Variants in ZBTB8A observed in about 807,000 individuals in gnomAD.
ZBTB8A encodes the protein zinc finger and BTB domain-containing protein 8A.
ZBTB8A carries 19 observed loss-of-function variants against 37.8 expected under a neutral mutation model. The observed-to-expected ratio is 0.50, with a 90% CI of 0.35 to 0.74. The LOEUF is 0.74. Among genes scored for constraint, ZBTB8A ranks in the 30% least tolerant of loss-of-function variants. ZBTB8A has a pLI of 0.01. For synonymous variants in ZBTB8A, 181 were observed against 185.2 expected, an observed-to-expected ratio of 0.98 and a Z score of 0.19; for missense variants, 394 against 537.8, an observed-to-expected ratio of 0.73 and a Z score of 2.65.
intron 2 of ZBTB8A, among the ~76,000 whole-genome samples, chr1:32,576,444 C>A (rs1223421920): frequency 1.3e-5 from 2 of 150,632 alleles, no homozygotes; most frequent in East Asian, 3.9e-4. Context: ...ATTTTTTTTT[C>A]TTTGAGACAG....
intron 2 of ZBTB8A, among the ~76,000 whole-genome samples, chr1:32,586,276 G>A (rs911164513): frequency 6.6e-6 from 1 of 152,088 alleles, no homozygotes; most frequent in African/African-American, 2.4e-5. Flanking sequence ...CCGAGATCTC[G>A]CCATTGCATT....
At chr1:32,560,660 C>T (rs1644237829) in intron 2 of ZBTB8A, among the ~76,000 whole-genome samples, 1 of 139,022 alleles carries the variant, frequency 7.2e-6, no homozygotes, top group African/African-American at 2.7e-5. Flanking sequence ...CTCACTCTCA[C>T]CCAGGCTGGA....
At chr1:32,589,368 A>G (rs1644471584) in intron 2 of ZBTB8A, among the ~76,000 whole-genome samples, 1 of 151,584 alleles carries the variant, frequency 6.6e-6, no homozygotes, top group African/African-American at 2.4e-5. Flanking sequence ...CTCCTGCCTC[A>G]GCCTCCTGAG....
intron 1 of ZBTB8A, among the ~76,000 whole-genome samples, chr1:32,543,170 G>A (rs564867483): frequency 2.6e-5 from 4 of 151,876 alleles, no homozygotes; most frequent in Non-Finnish European, 4.4e-5. Context: ...TGCAACCTCC[G>A]CCTCCCAGGG....
At chr1:32,592,080 A>T (rs995381724) in intron 2 of ZBTB8A, among the ~76,000 whole-genome samples, 2 of 151,584 alleles carry the variant, frequency 1.3e-5, no homozygotes, top group Non-Finnish European at 1.5e-5. Context: ...TGACCTTGTG[A>T]TCTGCCCGCC....
intron 2 of ZBTB8A, 101 bp from the exon 3 acceptor site, chr1:32,592,830 C>A: frequency 4.2e-6 from 4 of 962,544 alleles, no homozygotes; most frequent in East Asian, 2.6e-5. Context: ...GATCACACCA[C>A]TGCACTGCAG....
chr1:32,579,363 A>G (rs1644386235), intron 2 of ZBTB8A, among the ~76,000 whole-genome samples: 1 of 151,892 alleles, frequency 6.6e-6, no homozygotes, highest in Non-Finnish European at 1.5e-5. Flanking sequence ...AAGCAGGAGA[A>G]TCACTTCAAC....
chr1:32,575,564 T>G (rs1175219799), intron 2 of ZBTB8A, among the ~76,000 whole-genome samples: 1 of 151,906 alleles, frequency 6.6e-6, no homozygotes, highest in Non-Finnish European at 1.5e-5. Flanking sequence ...CTGCCTCAGT[T>G]AAAGAATATT....
At chr1:32,594,133 G>T (rs1644511118) in intron 3 of ZBTB8A, among the ~76,000 whole-genome samples, 1 of 151,516 alleles carries the variant, frequency 6.6e-6, no homozygotes, top group South Asian at 2.1e-4. Context: ...GGCGGAGGTT[G>T]CAGGGAGCTG....
At chr1:32,544,957 A>G (rs1644090910) in intron 1 of ZBTB8A, among the ~76,000 whole-genome samples, 2 of 152,194 alleles carry the variant, frequency 1.3e-5, no homozygotes, top group Non-Finnish European at 2.9e-5. Flanking sequence ...ATGCTATTAT[A>G]AACATTCGTG....
chr1:32,573,022 A>G (rs1476525387), intron 2 of ZBTB8A, among the ~76,000 whole-genome samples: 3 of 147,652 alleles, frequency 2.0e-5, no homozygotes, highest in Non-Finnish European at 4.5e-5. Context: ...CCTTCCTTCT[A>G]CATACATTGG....
chr1:32,583,778 C>CT, intron 2 of ZBTB8A, among the ~76,000 whole-genome samples: 1 of 152,144 alleles, frequency 6.6e-6, no homozygotes, highest in Non-Finnish European at 1.5e-5. Context: ...GAGTCTCACT[C>CT]TGTCACCCAG....
intron 1 of ZBTB8A, among the ~76,000 whole-genome samples, chr1:32,546,900 A>G (rs897437133): frequency 6.6e-6 from 1 of 152,000 alleles, no homozygotes; most frequent in African/African-American, 2.4e-5. Flanking sequence ...ATCTGGGGGA[A>G]GTTTTTTGTT....
chr1:32,584,901 C>G (rs1644435050), intron 2 of ZBTB8A, among the ~76,000 whole-genome samples: 1 of 151,848 alleles, frequency 6.6e-6, no homozygotes, highest in Non-Finnish European at 1.5e-5. Flanking sequence ...CTTTTCCACA[C>G]TTTATGGGAG....
chr1:32,547,828 CAAAAAAAAA>C (rs1194254576), intron 1 of ZBTB8A, among the ~76,000 whole-genome samples: 8 of 30,478 alleles, frequency 2.6e-4, no homozygotes, highest in African/African-American at 7.0e-4. Flanking sequence ...ACAAACAAAG[CAAAAAAAAA>C]AAAAAAAAAA....
At chr1:32,569,654 A>C (rs1184631865) in intron 2 of ZBTB8A, among the ~76,000 whole-genome samples, 1 of 151,494 alleles carries the variant, frequency 6.6e-6, no homozygotes, top group African/African-American at 2.4e-5. Context: ...AGCCTCCCAA[A>C]GTGCTGGGAT....
Position 32,557,425 on chromosome 1 carries a change from C to T in ZBTB8A, c.-2+3885C>T, listed in dbSNP as rs912478249. Among the ~76,000 whole-genome samples, 3 of 152,254 alleles carry T rather than the reference C, an allele frequency of 2.0e-5. No homozygotes were observed. The South Asian group carries it at 6.2e-4, about 32-fold the overall frequency. On this transcript the variant is annotated intron_variant, in intron 2 of 4. Coordinates refer to ENST00000373510, the MANE Select transcript of ZBTB8A (RefSeq NM_001040441.3). ...CTAAATGTAAATGTATAGAAACCAT[C>T]TCATTAACATTTAATTTAAATAAAC...
At chr1:32,599,668 G>C (rs916390989) in intron 4 of ZBTB8A, among the ~76,000 whole-genome samples, 1 of 152,062 alleles carries the variant, frequency 6.6e-6, no homozygotes, top group Non-Finnish European at 1.5e-5. Context: ...AGTGAGCCGA[G>C]ATTGCACTAT....
chr1:32,552,689 A>G (rs535278562), intron 1 of ZBTB8A, among the ~76,000 whole-genome samples: 1 of 152,040 alleles, frequency 6.6e-6, no homozygotes, highest in South Asian at 2.1e-4. Flanking sequence ...CGAAACGAAA[A>G]AAAGGATTGC....
Sources: gnomAD v4.1 joint callset for allele counts (sites outside exome capture counted in the v4.1 genomes callset) on GRCh38, gnomAD v4.1.1 for gene constraint, MANE v1.5 for transcripts, NCBI Gene and HGNC (gene_info 2026-07-23, HGNC 2026-07-21) for gene names.